ASTN2: variants seen among roughly 807,000 people sequenced by gnomAD.
ASTN2 encodes astrotactin 2, also known as astrotactin-2.
In ASTN2, 54 loss-of-function variants were observed where a neutral mutation model predicts 139.8. The observed-to-expected ratio is 0.39, with a 90% CI of 0.31 to 0.48. ASTN2 has a LOEUF of 0.48. Among genes scored for constraint, ASTN2 ranks in the 20% least tolerant of loss-of-function variants. ASTN2 has a pLI of 0.95. For synonymous variants in ASTN2, 756 were observed against 719.5 expected (o/e 1.05, Z -0.81); for missense variants, 1,565 against 1,725.1 (o/e 0.91, Z 1.64).
chr9:117,076,094 A>C (rs1828273302), intron 5 of ASTN2, among the ~76,000 whole-genome samples: 1 of 152,228 alleles, frequency 6.6e-6, no homozygotes, highest in African/African-American at 2.4e-5. Flanking sequence ...TGGTTGGAAC[A>C]GACAATGAGA....
At chr9:117,257,578 A>G (rs1833720656) in intron 2 of ASTN2, among the ~76,000 whole-genome samples, 1 of 152,268 alleles carries the variant, frequency 6.6e-6, no homozygotes, top group South Asian at 2.1e-4. Context: ...TTTCTAGGCC[A>G]GAAACATTAT....
Position 117,257,664 on chromosome 9 carries a change from G to C in ASTN2, c.630+33662C>G, listed in dbSNP as rs538539124. On this transcript the variant is annotated intron_variant, in intron 2 of 22. Coordinates refer to ENST00000313400, the MANE Select transcript of ASTN2 (RefSeq NM_001365068.1). ...TTTTGGCTTTGAAGTGAGAATCAGA[G>C]GACACAGAGGAAAAATAGAGATGCT... Among the ~76,000 whole-genome samples the C allele has an allele frequency of 2.6e-5, 4 of 152,302 alleles. No individual in the cohort carries two copies. In the South Asian group the frequency reaches 8.3e-4, roughly 32 times the overall value.
At chr9:116,637,514 C>T (rs1370734215) in intron 17 of ASTN2, among the ~76,000 whole-genome samples, 1 of 152,112 alleles carries the variant, frequency 6.6e-6, no homozygotes, top group Non-Finnish European at 1.5e-5. Flanking sequence ...AGTATTTAAA[C>T]CCTCATCTCT....
chr9:116,448,911 G>C (rs1848088746), intron 20 of ASTN2, among the ~76,000 whole-genome samples: 1 of 152,180 alleles, frequency 6.6e-6, no homozygotes, highest in Admixed American at 6.5e-5. Flanking sequence ...GAAGTCCAAA[G>C]CCTCTCATTC....
At chr9:116,839,859 C>CATTATT (rs749979493) in intron 11 of ASTN2, among the ~76,000 whole-genome samples, 5,588 of 125,802 alleles carry the variant, frequency 0.044, 164 homozygotes, top group Admixed American at 0.1. Flanking sequence ...TATTTTATTT[C>CATTATT]ATTATTATTA....
At chr9:116,964,216 G>GGTGTGTGTGT (rs56209166) in intron 10 of ASTN2, among the ~76,000 whole-genome samples, 13 of 140,706 alleles carry the variant, frequency 9.2e-5, no homozygotes, top group South Asian at 2.3e-4. Context: ...ACTGCCCTGG[G>GGTGTGTGTGT]GTGTGTGTGT....
At chr9:116,805,091 C>A (rs1265988985) in intron 13 of ASTN2, among the ~76,000 whole-genome samples, 1 of 126,638 alleles carries the variant, frequency 7.9e-6, no homozygotes. Flanking sequence ...TTCTAAACAG[C>A]TTTACTGGGA....
chr9:116,486,244 A>C (rs1368209803), intron 20 of ASTN2, among the ~76,000 whole-genome samples: 4 of 152,254 alleles, frequency 2.6e-5, no homozygotes, highest in Non-Finnish European at 5.9e-5. Context: ...TCATATCCAC[A>C]GTGCTTAGCG....
intron 1 of ASTN2, among the ~76,000 whole-genome samples, chr9:117,410,592 A>C (rs1360978590): frequency 6.6e-6 from 1 of 152,212 alleles, no homozygotes; most frequent in Admixed American, 6.5e-5. Context: ...GGTCACAGTG[A>C]GCCAAAGCTG....
chr9:117,109,678 T>C (rs1829201300), intron 4 of ASTN2, among the ~76,000 whole-genome samples: 1 of 152,230 alleles, frequency 6.6e-6, no homozygotes, highest in African/African-American at 2.4e-5. Flanking sequence ...TTTCATCTGG[T>C]AATAAAGTTT....
At chr9:117,396,361 ACACT>A (rs1830677194) in intron 1 of ASTN2, among the ~76,000 whole-genome samples, 1 of 152,180 alleles carries the variant, frequency 6.6e-6, no homozygotes, top group Non-Finnish European at 1.5e-5. Context: ...ATGAATGCTT[ACACT>A]GCTAAAGTGC....
chr9:116,565,391 A>T (rs990670248), intron 19 of ASTN2, among the ~76,000 whole-genome samples: 3 of 36,180 alleles, frequency 8.3e-5, no homozygotes, highest in Admixed American at 4.5e-4. Context: ...CTCTCTCCAT[A>T]TATATATATA....
intron 3 of ASTN2, among the ~76,000 whole-genome samples, chr9:117,153,349 G>A (rs1830364362): frequency 6.6e-6 from 1 of 152,080 alleles, no homozygotes. Context: ...GATGAGCAAT[G>A]CCTGTGAGAT....
chr9:116,887,663 ATTG>A (rs773650140), intron 10 of ASTN2, among the ~76,000 whole-genome samples: 3 of 151,998 alleles, frequency 2.0e-5, no homozygotes, highest in East Asian at 3.9e-4. Context: ...TTTACTTTGT[ATTG>A]TTGTTGTTTC....
intron 22 of ASTN2, among the ~76,000 whole-genome samples, chr9:116,432,785 C>T (rs1171388862): frequency 6.6e-6 from 1 of 152,056 alleles, no homozygotes; most frequent in Non-Finnish European, 1.5e-5. Context: ...CAAAAATTGG[C>T]CAGGTGTGGT....
At chr9:116,606,177 CACA>C (rs1364264158) in intron 19 of ASTN2, among the ~76,000 whole-genome samples, 4 of 152,122 alleles carry the variant, frequency 2.6e-5, no homozygotes, top group Admixed American at 6.6e-5. Flanking sequence ...AGCCACCCCC[CACA>C]ACAAGCCCCA....
At chr9:117,063,004 C>A (rs1182664563) in intron 5 of ASTN2, among the ~76,000 whole-genome samples, 2 of 152,188 alleles carry the variant, frequency 1.3e-5, no homozygotes, top group African/African-American at 4.8e-5. Context: ...ATATTGTGTG[C>A]TAGCCTCGGA....
At chr9:116,521,550 A>T (rs1486557375) in intron 19 of ASTN2, among the ~76,000 whole-genome samples, 4 of 152,190 alleles carry the variant, frequency 2.6e-5, no homozygotes, top group Admixed American at 6.6e-5. Flanking sequence ...ATTCTAGAAG[A>T]TAACATTGGA....
intron 16 of ASTN2, among the ~76,000 whole-genome samples, chr9:116,696,616 GACTCCTC>G (rs1477152376): frequency 1.2e-4 from 18 of 152,154 alleles, no homozygotes; most frequent in South Asian, 4.1e-4. Context: ...AGATTGGAAT[GACTCCTC>G]AACCCCCATC....
Sources: allele counts gnomAD v4.1 joint callset (sites outside exome capture counted in the v4.1 genomes callset), GRCh38; gene constraint gnomAD v4.1.1; transcripts MANE v1.5; gene names NCBI Gene and HGNC (gene_info 2026-07-23, HGNC 2026-07-21).